DYSF: variants seen among roughly 807,000 people sequenced by gnomAD.
DYSF encodes dystrophy-associated fer-1-like 1.
In DYSF, 212 loss-of-function variants were observed where a neutral mutation model predicts 274.9. The ratio of observed to expected loss-of-function variants is 0.77; its 90% CI spans 0.69 to 0.86. The LOEUF (loss-of-function observed/expected upper bound fraction) is 0.86, where lower values mean the gene tolerates loss of function less well. Ranked by LOEUF, DYSF falls within the 40% of genes least tolerant of loss-of-function variation. The pLI is 0.00. For missense variants in DYSF, 2,666 were observed against 2,783.2 expected, an observed-to-expected ratio of 0.96 and a Z score of 0.95; for synonymous variants, 1,091 against 1,078.7, an observed-to-expected ratio of 1.01 and a Z score of -0.22.
At chr2:71,597,717 G>T (rs904203589) in intron 32 of DYSF, among the ~76,000 whole-genome samples, 3 of 152,176 alleles carry the variant, frequency 2.0e-5, no homozygotes, top group Admixed American at 6.5e-5. Flanking sequence ...GCCAAGGCTG[G>T]CAGGCTGGAA....
chr2:71,546,352 C>T (rs1299232528), intron 17 of DYSF, among the ~76,000 whole-genome samples: 1 of 152,234 alleles, frequency 6.6e-6, no homozygotes, highest in Non-Finnish European at 1.5e-5. Context: ...AAAACAAGTT[C>T]TTTCTCTGTA....
intron 17 of DYSF, among the ~76,000 whole-genome samples, chr2:71,544,406 G>T (rs2090289757): frequency 6.6e-6 from 1 of 151,856 alleles, no homozygotes; most frequent in African/African-American, 2.4e-5. Context: ...AGACCTCTAG[G>T]AGTTCTTCTC....
At chr2:71,672,723 C>G (rs944815725) in intron 51 of DYSF, among the ~76,000 whole-genome samples, 2 of 152,222 alleles carry the variant, frequency 1.3e-5, no homozygotes, top group Non-Finnish European at 2.9e-5. Context: ...CCAAGCTGGC[C>G]AGAGGAATGG....
intron 14 of DYSF, 96 bp downstream of exon 14, chr2:71,528,497 C>T: frequency 9.7e-7 from 1 of 1,034,272 alleles, no homozygotes; most frequent in Non-Finnish European, 1.5e-6. Flanking sequence ...TGAGATGCCC[C>T]CACCAGAGGT....
At chr2:71,465,342 C>T (rs538846523), upstream of DYSF, among the ~76,000 whole-genome samples, 2 of 151,982 alleles carry the variant, frequency 1.3e-5, no homozygotes, top group Non-Finnish European at 2.9e-5. Context: ...CGAGGGCGGG[C>T]GTTAGAAGGA....
intron 7 of DYSF, among the ~76,000 whole-genome samples, chr2:71,514,863 T>A (rs1054491447): frequency 6.6e-6 from 1 of 152,170 alleles, no homozygotes. Context: ...AAATACCATA[T>A]GTTTATTTTA....
chr2:71,572,332 C>T (rs2092541339), intron 29 of DYSF, among the ~76,000 whole-genome samples: 1 of 151,802 alleles, frequency 6.6e-6, no homozygotes, highest in Non-Finnish European at 1.5e-5. Flanking sequence ...ACACCCAGCA[C>T]ACCCACAGAT....
chr2:71,521,221 G>T (rs1004999750), intron 12 of DYSF, among the ~76,000 whole-genome samples: 5 of 152,096 alleles, frequency 3.3e-5, no homozygotes, highest in African/African-American at 4.8e-5. Flanking sequence ...ATATTATATT[G>T]TGACTTGAAT....
intron 42 of DYSF, among the ~76,000 whole-genome samples, chr2:71,652,241 C>T (rs1338221810): frequency 6.6e-6 from 1 of 152,196 alleles, no homozygotes; most frequent in Non-Finnish European, 1.5e-5. Flanking sequence ...ACTGTGATCA[C>T]GTTCATGTTA....
chr2:71,630,988 C>G (rs1465343576), intron 41 of DYSF, among the ~76,000 whole-genome samples: 1 of 152,228 alleles, frequency 6.6e-6, no homozygotes, highest in Non-Finnish European at 1.5e-5. Flanking sequence ...CTTGCTCTCA[C>G]CGACTATGAA....
chr2:71,498,129 T>G (rs1014509351), intron 3 of DYSF, among the ~76,000 whole-genome samples: 3 of 152,186 alleles, frequency 2.0e-5, no homozygotes, highest in Non-Finnish European at 4.4e-5. Context: ...AAGAATTCCT[T>G]TGTTATCTTG....
intron 22 of DYSF, among the ~76,000 whole-genome samples, chr2:71,558,899 G>A (rs1320612887): frequency 2.0e-5 from 3 of 152,126 alleles, no homozygotes; most frequent in African/African-American, 7.2e-5. Context: ...TCAGCTAGAG[G>A]GCTTCCTCCA....
rs560864232 is a variant in DYSF, at chr2:71,589,831, A to G, written c.3496+145A>G. On this transcript the variant is annotated intron_variant, in intron 31 of 55. Coordinates refer to ENST00000410020, the MANE Select transcript of DYSF (RefSeq NM_001130987.2). ...TTTTTGGTGGGTCAGTGCTGTGTGTATGTGTGTGTGTGTGCGCGCGTGCGT... is the reference window on the plus strand; with the variant it reads ...TTTTTGGTGGGTCAGTGCTGTGTGTGTGTGTGTGTGTGTGCGCGCGTGCGT... The G allele has an allele frequency of 9.4e-4, 766 of 818,302 alleles. 2 individuals are homozygous for G. In the African/African-American group the frequency reaches 0.012, roughly 13 times the overall value. The allele number at this position is 818,302 out of a possible 1,614,324, so 50.7% of individuals were successfully genotyped here. A position where few individuals can be genotyped will look rare whatever the true frequency, so the allele number is the denominator to read the frequency against.
At chr2:71,462,908 T>C (rs2081341957), upstream of DYSF, among the ~76,000 whole-genome samples, 1 of 152,172 alleles carries the variant, frequency 6.6e-6, no homozygotes, top group African/African-American at 2.4e-5. Context: ...GTTTGGTCCA[T>C]GGGTGACCAG....
intron 53 of DYSF, 117 bp downstream of exon 53, chr2:71,679,352 C>G (rs2095266990): frequency 2.9e-6 from 3 of 1,022,978 alleles, no homozygotes; most frequent in South Asian, 3.1e-5. Flanking sequence ...CTTTCTCCCC[C>G]TCTCCTGCCC....
intron 1 of DYSF, among the ~76,000 whole-genome samples, chr2:71,455,261 T>C (rs1475609365): frequency 1.3e-5 from 2 of 152,198 alleles, no homozygotes; most frequent in Non-Finnish European, 2.9e-5. Flanking sequence ...CAAGGGATCA[T>C]GTCATGAGTA....
chr2:71,623,186 T>A lies in DYSF; in HGVS notation c.4527+2577T>A, dbSNP rs200444698. ...TTAAATAGGGACTTATTTTTTTTTT[T>A]AATTGTACTTTAGGTTTTAGGGTAC... On this transcript the variant is annotated intron_variant, in intron 41 of 55. Transcript: ENST00000410020. Among the ~76,000 whole-genome samples the A allele has an allele frequency of 3.7e-3, 530 of 145,158 alleles. 1 individual carries two copies. The highest frequency in any genetic ancestry group is 0.013 in the African/African-American group (507 of 40,242).
At chr2:71,511,374 C>T (rs981349208) in intron 4 of DYSF, among the ~76,000 whole-genome samples, 14 of 152,236 alleles carry the variant, frequency 9.2e-5, no homozygotes, top group Non-Finnish European at 1.6e-4. Context: ...GCCAAAGGGA[C>T]ATTTTCCTGA....
At chr2:71,522,036 A>C (rs2087337181) in intron 12 of DYSF, among the ~76,000 whole-genome samples, 3 of 141,588 alleles carry the variant, frequency 2.1e-5, no homozygotes, top group African/African-American at 8.0e-5. Flanking sequence ...TTATCCCACC[A>C]CCTCCTTGGC....
Sources: allele counts gnomAD v4.1 joint callset (sites outside exome capture counted in the v4.1 genomes callset), GRCh38; gene constraint gnomAD v4.1.1; transcripts MANE v1.5; gene names NCBI Gene and HGNC (gene_info 2026-07-23, HGNC 2026-07-21).